Variants in STAG1 observed in about 807,000 individuals in gnomAD.
The protein encoded by STAG1 is STAG1 cohesin complex component, also known as cohesin subunit SA-1.
In STAG1, 26 loss-of-function variants were observed where a neutral mutation model predicts 170.9. That is an observed-to-expected ratio of 0.15 (90% CI 0.11 to 0.21). STAG1 has a LOEUF of 0.21. Ranked by LOEUF, STAG1 falls within the 10% of genes least tolerant of loss-of-function variation. The probability of loss-of-function intolerance (pLI) is 1.00; values close to 1 mark genes in which losing one functional copy is unlikely to be tolerated. For synonymous variants in STAG1, 514 were observed against 497.7 expected, an observed-to-expected ratio of 1.03 and a Z score of -0.44; for missense variants, 964 against 1,509.5, an observed-to-expected ratio of 0.64 and a Z score of 5.99.
intron 1 of STAG1, among the ~76,000 whole-genome samples, chr3:136,704,450 A>C (rs921342808): frequency 2.0e-4 from 30 of 152,320 alleles, no homozygotes; most frequent in African/African-American, 6.3e-4. Context: ...AATTATTTAT[A>C]TCATGCAAAC....
chr3:136,537,658 G>A (rs1935703957), intron 6 of STAG1, among the ~76,000 whole-genome samples: 2 of 151,656 alleles, frequency 1.3e-5, no homozygotes, highest in East Asian at 1.9e-4. Context: ...GTACCACCAC[G>A]CTAATTTTTT....
At chr3:136,608,751 C>T (rs1939094016) in intron 3 of STAG1, among the ~76,000 whole-genome samples, 2 of 147,518 alleles carry the variant, frequency 1.4e-5, no homozygotes, top group Non-Finnish European at 3.0e-5. Context: ...CTGCAGTGAG[C>T]CGTGATTGTA....
chr3:136,340,948 G>A (rs191700801), intron 31 of STAG1, among the ~76,000 whole-genome samples: 1 of 152,100 alleles, frequency 6.6e-6, no homozygotes, highest in African/African-American at 2.4e-5. Context: ...TTGCTCTGTC[G>A]CTCAGGCTGG....
chr3:136,507,821 G>A (rs923888313), intron 7 of STAG1, among the ~76,000 whole-genome samples: 5 of 152,038 alleles, frequency 3.3e-5, no homozygotes, highest in Non-Finnish European at 2.9e-5. Flanking sequence ...AAGATAACTC[G>A]ATATTTGCAG....
intron 2 of STAG1, among the ~76,000 whole-genome samples, chr3:136,625,431 C>T (rs1940051420): frequency 6.6e-6 from 1 of 152,228 alleles, no homozygotes; most frequent in African/African-American, 2.4e-5. Context: ...GCATGACATA[C>T]TTACTTGAAT....
Position 136,630,110 on chromosome 3 carries a change from G to A in STAG1, c.29+760C>T, listed in dbSNP as rs138924615. Among the ~76,000 whole-genome samples the A allele has an allele frequency of 8.0e-3, 1,210 of 152,188 alleles. 7 individuals carry two copies. Among genetic ancestry groups the A allele is most frequent in the South Asian group, 0.014 (66 of 4,808 alleles). On this transcript the variant is annotated intron_variant, in intron 2 of 33. Coordinates refer to ENST00000383202, the MANE Select transcript of STAG1 (RefSeq NM_005862.3). Reference sequence around the variant, plus strand: ...CTCAGGAGGTCGAGGCAGGAGAATCGCTTGAACCCGGAAGGCAGAGGTAGC... The same window carrying A: ...CTCAGGAGGTCGAGGCAGGAGAATCACTTGAACCCGGAAGGCAGAGGTAGC...
chr3:136,734,574 T>A (rs1934231640), intron 1 of STAG1, among the ~76,000 whole-genome samples: 1 of 152,174 alleles, frequency 6.6e-6, no homozygotes, highest in Non-Finnish European at 1.5e-5. Context: ...AAGGATCTAT[T>A]GTTACGTGGG....
At chr3:136,596,936 G>A (rs570130862) in intron 4 of STAG1, among the ~76,000 whole-genome samples, 76 of 152,208 alleles carry the variant, frequency 5.0e-4, no homozygotes, top group Non-Finnish European at 3.4e-4. Flanking sequence ...TTAGCCAGGC[G>A]TACTGGCGCA....
intron 15 of STAG1, among the ~76,000 whole-genome samples, chr3:136,434,297 A>G (rs2088392747): frequency 6.6e-6 from 1 of 152,156 alleles, no homozygotes; most frequent in Non-Finnish European, 1.5e-5. Context: ...ATTATAATTT[A>G]TATCCCCAAC....
At chr3:136,555,349 A>G (rs895205142) in intron 5 of STAG1, among the ~76,000 whole-genome samples, 1 of 151,564 alleles carries the variant, frequency 6.6e-6, no homozygotes, top group Non-Finnish European at 1.5e-5. Context: ...CTAAATAATA[A>G]TAATAATAAA....
intron 4 of STAG1, among the ~76,000 whole-genome samples, chr3:136,583,455 C>T (rs1203874878): frequency 1.3e-5 from 2 of 151,982 alleles, no homozygotes; most frequent in African/African-American, 2.4e-5. Context: ...ATTTGTAGAA[C>T]AATATACTGA....
chr3:136,536,616 G>C (rs566441632), intron 6 of STAG1, among the ~76,000 whole-genome samples: 3 of 148,914 alleles, frequency 2.0e-5, no homozygotes, highest in Admixed American at 6.9e-5. Context: ...CACGAGAATC[G>C]CTTCAACTCG....
intron 1 of STAG1, among the ~76,000 whole-genome samples, chr3:136,673,876 G>A (rs552869596): frequency 5.0e-4 from 76 of 152,038 alleles, no homozygotes; most frequent in Non-Finnish European, 3.4e-4. Context: ...GCCGAGGCAG[G>A]TGGATTGCTT....
chr3:136,690,890 G>C (rs1053590846), intron 1 of STAG1, among the ~76,000 whole-genome samples: 1 of 151,280 alleles, frequency 6.6e-6, no homozygotes, highest in African/African-American at 2.4e-5. Flanking sequence ...GATAGTTCTC[G>C]AATGGGGGAT....
At chr3:136,704,550 G>A (rs1178354549) in intron 1 of STAG1, among the ~76,000 whole-genome samples, 4 of 152,014 alleles carry the variant, frequency 2.6e-5, no homozygotes, top group South Asian at 2.1e-4. Flanking sequence ...AAGAATGGCC[G>A]GGAGTAGTGG....
chr3:136,510,644 T>C (rs1434392104), intron 7 of STAG1, among the ~76,000 whole-genome samples: 10 of 150,214 alleles, frequency 6.7e-5, no homozygotes, highest in African/African-American at 2.5e-4. Flanking sequence ...GGAGTCTTGC[T>C]GTGTCACCAA....
intron 12 of STAG1, among the ~76,000 whole-genome samples, chr3:136,470,685 A>G (rs1250562924): frequency 3.3e-5 from 5 of 152,100 alleles, no homozygotes; most frequent in Non-Finnish European, 5.9e-5. Flanking sequence ...ACATGCATAC[A>G]TATGTTTATT....
intron 11 of STAG1, 130 bp from the exon 12 acceptor site, chr3:136,472,622 A>G (rs2089654591): frequency 1.7e-6 from 1 of 588,888 alleles, no homozygotes; most frequent in East Asian, 2.8e-5. Context: ...TACTCTTGAA[A>G]CTGCAGTATT....
intron 4 of STAG1, among the ~76,000 whole-genome samples, chr3:136,593,684 GT>G (rs1280883811): frequency 6.6e-6 from 1 of 152,102 alleles, no homozygotes; most frequent in Non-Finnish European, 1.5e-5. Flanking sequence ...GCTATTTTCA[GT>G]TTTCCAATTT....
Sources: gnomAD v4.1 joint callset for allele counts (sites outside exome capture counted in the v4.1 genomes callset) on GRCh38, gnomAD v4.1.1 for gene constraint, MANE v1.5 for transcripts, NCBI Gene and HGNC (gene_info 2026-07-23, HGNC 2026-07-21) for gene names.